PTPRN2: variants seen among roughly 807,000 people sequenced by gnomAD.
PTPRN2 encodes the protein protein tyrosine phosphatase receptor type N2, also known as receptor-type tyrosine-protein phosphatase N2.
In PTPRN2, 74 loss-of-function variants were observed where a neutral mutation model predicts 118.8. The observed-to-expected ratio is 0.62, with a 90% CI of 0.52 to 0.76. The LOEUF is 0.76. Among genes scored for constraint, PTPRN2 ranks in the 30% least tolerant of loss-of-function variants. The pLI is 0.00. For missense variants in PTPRN2, 1,481 were observed against 1,394.4 expected (o/e 1.06, Z -0.99); for synonymous variants, 641 against 608.0 (o/e 1.05, Z -0.80).
intron 2 of PTPRN2, among the ~76,000 whole-genome samples, chr7:158,387,155 C>T (rs1811455907): frequency 6.6e-6 from 1 of 152,230 alleles, no homozygotes; most frequent in Non-Finnish European, 1.5e-5. Flanking sequence ...AAGTCCTGCC[C>T]TAAGTGGCCT....
chr7:157,666,894 C>T (rs776965594), intron 13 of PTPRN2, among the ~76,000 whole-genome samples: 10 of 151,896 alleles, frequency 6.6e-5, no homozygotes, highest in African/African-American at 1.9e-4. Flanking sequence ...GTGATGAGTA[C>T]GAGCCCTGGC....
At chr7:158,358,632 G>A (rs1278202879) in intron 2 of PTPRN2, among the ~76,000 whole-genome samples, 1 of 152,248 alleles carries the variant, frequency 6.6e-6, no homozygotes, top group Non-Finnish European at 1.5e-5. Flanking sequence ...CCTCAGAAAG[G>A]AAGGAGACGC....
intron 5 of PTPRN2, among the ~76,000 whole-genome samples, chr7:158,183,888 T>C (rs1824926523): frequency 6.6e-6 from 1 of 152,204 alleles, no homozygotes; most frequent in Non-Finnish European, 1.5e-5. Context: ...GTGTGAATCT[T>C]TACACACTAT....
intron 11 of PTPRN2, among the ~76,000 whole-genome samples, chr7:157,907,404 C>G (rs1446225172): frequency 4.2e-5 from 6 of 141,584 alleles, no homozygotes; most frequent in African/African-American, 1.3e-4. Context: ...CTGTCCCCTG[C>G]ATGTGGGGTG....
At chr7:157,614,806 C>G (rs1802649965) in intron 15 of PTPRN2, among the ~76,000 whole-genome samples, 1 of 152,198 alleles carries the variant, frequency 6.6e-6, no homozygotes, top group Non-Finnish European at 1.5e-5. Flanking sequence ...CACCTGCAAG[C>G]CCCAGGGAGG....
At chr7:158,447,817 C>T (rs1006012277) in intron 2 of PTPRN2, among the ~76,000 whole-genome samples, 4 of 152,228 alleles carry the variant, frequency 2.6e-5, no homozygotes, top group Non-Finnish European at 4.4e-5. Context: ...GAGCCGAGAG[C>T]GGGGGCAGTG....
At position 157,779,279 on chromosome 7, in the gene PTPRN2, A is replaced by G. The variant is rs1040793641; in HGVS notation, c.1789-96342T>C. 6.6e-6 allele frequency among the ~76,000 whole-genome samples: 1 copy of G among 152,150 alleles called. No homozygotes were observed. The highest frequency in any genetic ancestry group is 2.4e-5 in the African/African-American group (1 of 41,438). On this transcript the variant is annotated intron_variant, in intron 12 of 22. Transcript: ENST00000389418. The surrounding 1 kb of genome is among the most constrained non-coding windows in gnomAD (Gnocchi z 4.7). The stretch of plus-strand genomic sequence containing the variant: ...CTTCCCTGGGCAAGGTCAGCAAGGC[A>G]TGTGCTCGGTGGAGGAGGCCTAACT...
intron 15 of PTPRN2, among the ~76,000 whole-genome samples, chr7:157,607,172 A>G (rs1332136912): frequency 6.6e-6 from 1 of 152,248 alleles, no homozygotes; most frequent in African/African-American, 2.4e-5. Context: ...AAATTGTAAT[A>G]CAAATCATCA....
intron 11 of PTPRN2, among the ~76,000 whole-genome samples, chr7:157,996,154 T>C (rs1804714901): frequency 6.6e-6 from 1 of 152,180 alleles, no homozygotes. Context: ...ACTGGAGCCA[T>C]TATCTTGAGT....
chr7:157,691,073 C>CG (rs1222090612), intron 12 of PTPRN2, among the ~76,000 whole-genome samples: 3 of 113,988 alleles, frequency 2.6e-5, no homozygotes, highest in Admixed American at 7.9e-5. Context: ...GATGTCCCCC[C>CG]CCCCCCCCAC....
intron 1 of PTPRN2, among the ~76,000 whole-genome samples, chr7:158,585,968 GGCAAGGCACCAGGAGGAGGCAGAGTGA>G (rs1828883409): frequency 1.3e-5 from 2 of 152,328 alleles, no homozygotes; most frequent in South Asian, 4.1e-4. Context: ...CCTGATAGGG[GGCAAGGCACCAGGAGGAGGCAGAGTGA>G]GCAAGGCCCC....
Position 158,546,732 on chromosome 7 carries a change from T to A in PTPRN2, c.112+40826A>T, listed in dbSNP as rs1200464752. 6.6e-6 allele frequency among the ~76,000 whole-genome samples: 1 copy of A among 152,180 alleles called. No homozygotes were observed. Among genetic ancestry groups the A allele is most frequent in the African/African-American group, 2.4e-5 (1 of 41,438 alleles). ...TTGGTGAAGACCCCAGCCACCAGCCTGGGAGGCCCGGTCACCCCACGGCCA... is the reference window on the plus strand; with the variant it reads ...TTGGTGAAGACCCCAGCCACCAGCCAGGGAGGCCCGGTCACCCCACGGCCA... On this transcript the variant is annotated intron_variant, in intron 1 of 22. Coordinates refer to ENST00000389418, the MANE Select transcript of PTPRN2 (RefSeq NM_002847.5). This position sits in a 1 kb window ranked among gnomAD's most constrained non-coding sequence, Gnocchi z 5.0.
intron 2 of PTPRN2, among the ~76,000 whole-genome samples, chr7:158,357,771 G>C (rs1031544112): frequency 6.6e-6 from 1 of 152,232 alleles, no homozygotes; most frequent in Non-Finnish European, 1.5e-5. Context: ...CCCAGGGCAG[G>C]AAGCTCACAA....
At chr7:158,193,800 A>G (rs1172728104) in intron 4 of PTPRN2, among the ~76,000 whole-genome samples, 5 of 151,982 alleles carry the variant, frequency 3.3e-5, no homozygotes. Flanking sequence ...GCATGCTCCT[A>G]AATAAGGAAG....
intron 2 of PTPRN2, among the ~76,000 whole-genome samples, chr7:158,449,995 C>T (rs1817990358): frequency 6.6e-6 from 1 of 152,220 alleles, no homozygotes; most frequent in Non-Finnish European, 1.5e-5. Context: ...ACAGAAACGT[C>T]CTCATGGTCT....
rs1190992052 is a variant in PTPRN2 at position 158,335,757 on chromosome 7, A to G, written c.164-18825T>C. Among the ~76,000 whole-genome samples the G allele has an allele frequency of 4.4e-4, 3 of 6,764 alleles. 1 individual carries two copies. Among genetic ancestry groups the G allele is most frequent in the Admixed American group, 2.9e-3 (3 of 1,032 alleles). 4.4% of individuals were successfully genotyped at this position (6,764 alleles called of 152,430 possible). A position where few individuals can be genotyped will look rare whatever the true frequency, so the allele number is the denominator to read the frequency against. On this transcript the variant is annotated intron_variant, in intron 2 of 22. Transcript: ENST00000389418. ...TCACACCCACACTCTCACCATAAGA[A>G]GTGAAACCTGCAGACATCACTCACA...
At chr7:157,721,504 C>T (rs893077486) in intron 12 of PTPRN2, among the ~76,000 whole-genome samples, 6 of 152,196 alleles carry the variant, frequency 3.9e-5, no homozygotes, top group Non-Finnish European at 7.3e-5. Flanking sequence ...TGCACAGCTG[C>T]GTTGCCTCCT....
intron 8 of PTPRN2, among the ~76,000 whole-genome samples, chr7:158,136,124 C>A (rs941330445): frequency 1.3e-5 from 2 of 152,230 alleles, no homozygotes; most frequent in Non-Finnish European, 2.9e-5. Context: ...TGGCATCCAG[C>A]GCCTTGGCCC....
intron 5 of PTPRN2, among the ~76,000 whole-genome samples, chr7:158,185,856 T>C (rs1825088546): frequency 6.6e-6 from 1 of 152,208 alleles, no homozygotes. Context: ...TGTGAGTTTC[T>C]GAAGCTTCTC....
Sources: allele counts gnomAD v4.1 joint callset (sites outside exome capture counted in the v4.1 genomes callset), GRCh38; gene constraint gnomAD v4.1.1; non-coding constraint Gnocchi (gnomAD v3.1); transcripts MANE v1.5; gene names NCBI Gene and HGNC (gene_info 2026-07-23, HGNC 2026-07-21).